Variants in BDP1 observed in about 807,000 individuals in gnomAD.
The protein encoded by BDP1 is BDP1 general transcription factor IIIB subunit, also known as transcription factor TFIIIB component B'' homolog.
BDP1 carries 169 observed loss-of-function variants against 266.6 expected under a neutral mutation model. That is an observed-to-expected ratio of 0.63 (90% CI 0.56 to 0.72). The LOEUF (loss-of-function observed/expected upper bound fraction) is 0.72. Ranked by LOEUF, BDP1 falls within the 30% of genes least tolerant of loss-of-function variation. The probability of loss-of-function intolerance (pLI) is 0.00; values close to 1 mark genes in which losing one functional copy is unlikely to be tolerated. For missense variants in BDP1, 3,015 were observed against 3,053.8 expected (o/e 0.99, Z 0.30); for synonymous variants, 1,090 against 1,022.4 (o/e 1.07, Z -1.26).
chr5:71,532,264 T>C (rs1349992357), intron 25 of BDP1, 44 bp from the exon 26 acceptor site: 2 of 1,594,438 alleles, frequency 1.3e-6, no homozygotes, highest in Non-Finnish European at 1.7e-6. Context: ...TGTTTTGCTG[T>C]TTATAATATG....
intron 7 of BDP1, chr5:71,475,682 A>T (rs764970738): frequency 6.6e-6 from 1 of 152,622 alleles, no homozygotes; most frequent in Admixed American, 6.5e-5. Flanking sequence ...CTAAATTCTG[A>T]CAATGAAATT....
chr5:71,531,878 A>G (rs1766267875), intron 25 of BDP1, among the ~76,000 whole-genome samples: 2 of 152,212 alleles, frequency 1.3e-5, no homozygotes, highest in Admixed American at 6.5e-5. Flanking sequence ...TTAGTTGATT[A>G]CATGTCTGCT....
chr5:71,500,316 C>CTTTTTTTTTT (rs58201517), intron 13 of BDP1, among the ~76,000 whole-genome samples: 3 of 73,116 alleles, frequency 4.1e-5, no homozygotes, highest in Admixed American at 1.5e-4. Context: ...AATCTTGTTT[C>CTTTTTTTTTT]TTTTTTTTTT....
Position 71,522,478 on chromosome 5 carries a change from GCTC to G in BDP1, c.5184_5186del (p.Leu1730del), listed in dbSNP as rs766627508. 5.7e-6 allele frequency: 9 copies of G among 1,574,984 alleles called. No homozygotes were observed. In the African/African-American group the frequency reaches 1.3e-4, roughly 22 times the overall value. On this transcript the variant is annotated inframe_deletion, in exon 23 of 39. Coordinates refer to ENST00000358731, the MANE Select transcript of BDP1 (RefSeq NM_018429.3). ...TGCAGAAAGGAGCTTCCAACACCCAGCTCCTTCTAAAAGTAAGTTTGGGCAAAA... is the reference window on the plus strand; with the variant it reads ...TGCAGAAAGGAGCTTCCAACACCCAGCTTCTAAAAGTAAGTTTGGGCAAAA...
At chr5:71,547,459 T>C (rs1289608676) in intron 32 of BDP1, among the ~76,000 whole-genome samples, 1 of 152,224 alleles carries the variant, frequency 6.6e-6, no homozygotes, top group Admixed American at 6.5e-5. Context: ...TGTCCCATTA[T>C]TGGTGATGCT....
chr5:71,509,334 A>T (rs953757667), intron 16 of BDP1, 131 bp from the exon 17 acceptor site: 2 of 1,007,116 alleles, frequency 2.0e-6, no homozygotes, highest in Non-Finnish European at 2.8e-6. Context: ...TTACCCAGCG[A>T]TTCCTAGGCC....
intron 32 of BDP1, among the ~76,000 whole-genome samples, chr5:71,547,402 A>G (rs1561777485): frequency 6.6e-6 from 1 of 152,132 alleles, no homozygotes; most frequent in Non-Finnish European, 1.5e-5. Flanking sequence ...ATAGGTAATA[A>G]TGTGTTCTTC....
intron 34 of BDP1, among the ~76,000 whole-genome samples, chr5:71,552,351 G>A (rs1323849122): frequency 6.6e-6 from 1 of 152,130 alleles, no homozygotes; most frequent in Non-Finnish European, 1.5e-5. Context: ...TGGCCGCCGG[G>A]CAGAGACGCT....
intron 38 of BDP1, 138 bp downstream of exon 38, chr5:71,562,658 C>T (rs891215672): frequency 1.2e-5 from 18 of 1,463,238 alleles, no homozygotes; most frequent in Admixed American, 2.0e-5. Context: ...TTCTCTCCAT[C>T]GTGTTCCTCC....
intron 7 of BDP1, among the ~76,000 whole-genome samples, chr5:71,475,010 T>G (rs1427342754): frequency 6.6e-6 from 1 of 152,208 alleles, no homozygotes; most frequent in Non-Finnish European, 1.5e-5. Flanking sequence ...CAGCTATTGG[T>G]AGTCTTTTTC....
At chr5:71,514,298 C>G (rs1349269284) in intron 19 of BDP1, among the ~76,000 whole-genome samples, 2 of 152,066 alleles carry the variant, frequency 1.3e-5, no homozygotes, top group African/African-American at 4.8e-5. Flanking sequence ...ACTATTTCTC[C>G]TAAGCTTATA....
chr5:71,492,240 C>T (rs1222291038), intron 11 of BDP1, among the ~76,000 whole-genome samples: 1 of 152,068 alleles, frequency 6.6e-6, no homozygotes, highest in Admixed American at 6.5e-5. Context: ...GATTTCAGTT[C>T]TTGTGGATAA....
chr5:71,495,576 C>T (rs1763837305), intron 12 of BDP1, among the ~76,000 whole-genome samples, 168 bp downstream of exon 12: 1 of 152,062 alleles, frequency 6.6e-6, no homozygotes, highest in African/African-American at 2.4e-5. Context: ...CAGAGTGTAA[C>T]ATCAGGTGTT....
At chr5:71,555,627 CG>C in intron 35 of BDP1, among the ~76,000 whole-genome samples, 1 of 152,032 alleles carries the variant, frequency 6.6e-6, no homozygotes, top group African/African-American at 2.4e-5. Flanking sequence ...TTAGTAGAGA[CG>C]GGGTTTCTCC....
intron 26 of BDP1, chr5:71,537,931 A>G (rs1206411268): frequency 6.6e-6 from 1 of 152,068 alleles, no homozygotes; most frequent in East Asian, 1.9e-4. Context: ...GGCTGCTACC[A>G]CTCCTCCCAT....
chr5:71,562,625 T>A (rs2112115944), intron 38 of BDP1, 105 bp downstream of exon 38: 1 of 1,505,308 alleles, frequency 6.6e-7, no homozygotes, highest in Non-Finnish European at 9.0e-7. Flanking sequence ...ATGTCAGAAA[T>A]TATTTTAGAG....
intron 13 of BDP1, among the ~76,000 whole-genome samples, chr5:71,499,635 T>TA (rs961655098): frequency 4.6e-5 from 7 of 151,242 alleles, no homozygotes; most frequent in East Asian, 1.9e-4. Context: ...AATAAAAAAT[T>TA]AAAAAAAAAC....
intron 7 of BDP1, among the ~76,000 whole-genome samples, chr5:71,482,658 T>C (rs566437588): frequency 6.6e-6 from 1 of 152,338 alleles, no homozygotes; most frequent in East Asian, 1.9e-4. Flanking sequence ...AAGTAAAATA[T>C]GAGGTAGCAC....
Position 71,489,627 on chromosome 5 carries a change from T to C in BDP1, c.1437T>C (p.Asn479=), listed in dbSNP as rs377108198. 2.3e-5 allele frequency: 37 copies of C among 1,613,896 alleles called. No homozygotes were observed. In the African/African-American group the frequency reaches 4.8e-4, roughly 21 times the overall value. Residue 479 remains asparagine (N), a synonymous_variant, in exon 10 of 39, where the codon AAT becomes AAC. Coordinates refer to ENST00000358731, the MANE Select transcript of BDP1 (RefSeq NM_018429.3). The part of the protein sequence containing the change: ...QDGANELGVN[N]LLENATVQAG... ...GAGCTAATGAACTGGGAGTAAACAATCTTTTAGAAAATGCCACTGTTCAGG... is the reference window on the plus strand; with the variant it reads ...GAGCTAATGAACTGGGAGTAAACAACCTTTTAGAAAATGCCACTGTTCAGG...
Sources: gnomAD v4.1 joint callset for allele counts (sites outside exome capture counted in the v4.1 genomes callset) on GRCh38, gnomAD v4.1.1 for gene constraint, MANE v1.5 for transcripts, NCBI Gene and HGNC (gene_info 2026-07-23, HGNC 2026-07-21) for gene names.